Variants in MYH10 observed in about 807,000 individuals in gnomAD.
MYH10 encodes the protein myosin-10.
In MYH10, 55 loss-of-function variants were observed where a neutral mutation model predicts 257.8. The ratio of observed to expected loss-of-function variants is 0.21; its 90% confidence interval spans 0.17 to 0.27. The LOEUF is 0.27. Ranked by LOEUF, MYH10 falls within the 10% of genes least tolerant of loss-of-function variation. The pLI is 1.00. For missense variants in MYH10, 1,631 were observed against 2,500.6 expected, an observed-to-expected ratio of 0.65 and a Z score of 7.42; for synonymous variants, 854 against 921.7, an observed-to-expected ratio of 0.93 and a Z score of 1.33.
At chr17:8,505,008 GC>G in intron 27 of MYH10, 102 bp from the exon 28 acceptor site, 1 of 922,840 alleles carries the variant, frequency 1.1e-6, no homozygotes, top group Non-Finnish European at 1.7e-6. Flanking sequence ...CGAGACCCCA[GC>G]CCCACATCCC....
intron 29 of MYH10, 31 bp downstream of exon 29, chr17:8,500,795 A>G (rs772202579): frequency 1.9e-6 from 3 of 1,601,844 alleles, no homozygotes; most frequent in Non-Finnish European, 8.5e-7. Context: ...GACTTTCTCC[A>G]GGCCACAGCA....
Position 8,535,612 on chromosome 17 carries a change from G to T in MYH10, c.1780-111C>A. ...ACTTTTATACAACAGTCCCCAAAAT[G>T]GGCTGTCTGAAAGACAATATGTTTG... is the stretch of plus-strand genomic sequence containing the variant. On this transcript the variant is annotated intron_variant, in intron 15 of 42. Transcript: ENST00000360416. The surrounding 1 kb of genome is among the most constrained non-coding windows in gnomAD (Gnocchi z 4.3). The T allele has an allele frequency of 1.6e-6, 2 of 1,235,728 alleles. No individual in the cohort carries two copies. Among genetic ancestry groups the T allele is most frequent in the Non-Finnish European group, 2.3e-6 (2 of 876,580 alleles). 76.5% of individuals were successfully genotyped at this position (1,235,728 alleles called of 1,614,324 possible).
Position 8,476,914 on chromosome 17 carries a change from G to T in MYH10, c.5841C>A (p.Gly1947=). Residue 1947 remains glycine, a synonymous_variant, in exon 42 of 43, where the codon GGC becomes GGA. Coordinates refer to ENST00000360416, the MANE Select transcript of MYH10 (RefSeq NM_001256012.3). ...ELDDATEANE[G]LSREVSTLKN... is the part of the protein sequence containing the mutation. The stretch of plus-strand genomic sequence containing the variant: ...TCAGGGTGCTGACCTCGCGGCTCAG[G>T]CCCTCGTTGGCCTCGGTGGCATCAT... 6.2e-7 allele frequency: 1 copy of T among 1,612,688 alleles called. No homozygotes were observed.
At chr17:8,593,178 G>A (rs954374641) in intron 3 of MYH10, among the ~76,000 whole-genome samples, 1 of 151,358 alleles carries the variant, frequency 6.6e-6, no homozygotes, top group African/African-American at 2.4e-5. Flanking sequence ...AGAAATACAA[G>A]GGAACTTCAA....
At chr17:8,616,883 C>A (rs1163629805) in intron 2 of MYH10, among the ~76,000 whole-genome samples, 1 of 151,966 alleles carries the variant, frequency 6.6e-6, no homozygotes, top group Non-Finnish European at 1.5e-5. Context: ...CATTATAAAG[C>A]TGTAATAAGT....
At position 8,592,959 on chromosome 17, in the gene MYH10, A is replaced by ATATATG. The variant is rs2084223727; in HGVS notation, c.503-3852_503-3851insCATATA. On this transcript the variant is annotated intron_variant, in intron 3 of 42. Transcript: ENST00000360416. ...TATATATATATATATATATATATAT[A>ATATATG]TATATATATATAAAAGATGATGCAC... Among the ~76,000 whole-genome samples the ATATATG allele has an allele frequency of 9.9e-5, 12 of 121,396 alleles. 1 individual carries two copies. Among genetic ancestry groups the ATATATG allele is most frequent in the African/African-American group, 3.4e-4 (12 of 35,740 alleles). The allele number at this position is 121,396 out of a possible 152,430, so 79.6% of individuals were successfully genotyped here.
intron 2 of MYH10, among the ~76,000 whole-genome samples, chr17:8,621,531 A>G (rs897464246): frequency 1.3e-5 from 2 of 151,950 alleles, no homozygotes; most frequent in African/African-American, 4.8e-5. Flanking sequence ...GTCACCCTAC[A>G]CGTGGTTATT....
intron 9 of MYH10, among the ~76,000 whole-genome samples, chr17:8,549,006 G>A (rs767980773): frequency 7.2e-5 from 11 of 152,012 alleles, no homozygotes; most frequent in Non-Finnish European, 1.3e-4. Flanking sequence ...TGTTAACAAC[G>A]CAAAAACCTT....
At chr17:8,627,152 C>T (rs1188896907) in intron 1 of MYH10, among the ~76,000 whole-genome samples, 7 of 151,146 alleles carry the variant, frequency 4.6e-5, no homozygotes, top group Admixed American at 2.6e-4. Flanking sequence ...TTTTTTTAAA[C>T]GGAACAAATA....
At chr17:8,526,757 C>T (rs553637879) in intron 17 of MYH10, among the ~76,000 whole-genome samples, 56 of 152,216 alleles carry the variant, frequency 3.7e-4, no homozygotes, top group African/African-American at 1.2e-3. Flanking sequence ...ATCTAGGAGA[C>T]GGGGCCATAA....
chr17:8,507,808 C>T (rs530668893), intron 26 of MYH10, among the ~76,000 whole-genome samples: 1 of 152,206 alleles, frequency 6.6e-6, no homozygotes, highest in Non-Finnish European at 1.5e-5. Flanking sequence ...CCCATCTCTA[C>T]TAAAAATACA....
chr17:8,599,379 C>T (rs2084507103), intron 3 of MYH10, among the ~76,000 whole-genome samples: 1 of 152,134 alleles, frequency 6.6e-6, no homozygotes, highest in Admixed American at 6.5e-5. Flanking sequence ...CTGAGAGAAG[C>T]ATATTAAAAC....
intron 8 of MYH10, among the ~76,000 whole-genome samples, 184 bp downstream of exon 8, chr17:8,553,771 A>G (rs1408935380): frequency 6.6e-6 from 1 of 152,210 alleles, no homozygotes; most frequent in African/African-American, 2.4e-5. Flanking sequence ...GCCTGGTTTT[A>G]CAAACAACAA....
chr17:8,608,978 T>A (rs2084920580), intron 2 of MYH10, among the ~76,000 whole-genome samples: 1 of 152,068 alleles, frequency 6.6e-6, no homozygotes, highest in South Asian at 2.1e-4. Flanking sequence ...GCCCCGCTAA[T>A]TTTTTTGTAT....
rs545048832 is a variant in MYH10 at position 8,483,469 on chromosome 17, C to T, written c.5175+669G>A. On this transcript the variant is annotated intron_variant, in intron 37 of 42. Coordinates refer to ENST00000360416, the MANE Select transcript of MYH10 (RefSeq NM_001256012.3). ...GAGAGCCGTCCTCCTTTCTTGCAAG[C>T]TCAACTCTGCCTTTGCTAATATTTT... Among the ~76,000 whole-genome samples, 48 of 152,332 alleles carry T rather than the reference C, an allele frequency of 3.2e-4. 1 individual carries two copies. In the South Asian group the frequency reaches 9.9e-3, roughly 32 times the overall value.
rs1334465456 is a variant in MYH10 at position 8,519,057 on chromosome 17, G to A, written c.2274-107C>T. On this transcript the variant is annotated intron_variant, in intron 19 of 42. Transcript: ENST00000360416. ...GGCAATAAAATGTTGGGTAATACAT[G>A]TTAAAGATATGATGTAATACATGTT... 6 of 760,504 alleles carry A rather than the reference G, an allele frequency of 7.9e-6. No individual in the cohort carries two copies. The East Asian group carries it at 1.6e-4, about 20-fold the overall frequency. The allele number at this position is 760,504 out of a possible 1,614,324, so 47.1% of individuals were successfully genotyped here.
chr17:8,627,117 GA>G (rs1336528464), intron 1 of MYH10, among the ~76,000 whole-genome samples: 1 of 151,114 alleles, frequency 6.6e-6, no homozygotes, highest in Non-Finnish European at 1.5e-5. Context: ...ATTTTGTGGG[GA>G]AAACTACATA....
intron 3 of MYH10, among the ~76,000 whole-genome samples, chr17:8,600,829 G>C (rs1470990456): frequency 6.6e-6 from 1 of 152,150 alleles, no homozygotes; most frequent in East Asian, 1.9e-4. Context: ...TTTGAGTGAT[G>C]GAGCACTCTT....
Position 8,490,409 on chromosome 17 carries a change from C to T in MYH10, c.4815G>A (p.Ala1605=), listed in dbSNP as rs778805851. The T allele has an allele frequency of 1.1e-5, 18 of 1,614,178 alleles. No homozygotes were observed. The highest frequency in any genetic ancestry group is 1.3e-5 in the African/African-American group (1 of 75,024). The change falls in exon 35 of 43, where the codon GCG becomes GCA. Residue 1605 remains alanine (A), a synonymous_variant. Transcript: ENST00000360416. The surrounding 1 kb of genome is among the most constrained non-coding windows in gnomAD (Gnocchi z 4.1). ...TGGTTTGCAGGTCTCTCTCGAACTG[C>T]GCCTTCATGGCCTGCATGTTGACCT... The part of the protein sequence containing the change: ...RLEVNMQAMK[A]QFERDLQTRD...
Sources: gnomAD v4.1 joint callset for allele counts (sites outside exome capture counted in the v4.1 genomes callset) on GRCh38, gnomAD v4.1.1 for gene constraint, Gnocchi (gnomAD v3.1) non-coding constraint, MANE v1.5 for transcripts, NCBI Gene and HGNC (gene_info 2026-07-23, HGNC 2026-07-21) for gene names.